UGT2B11: variants seen among roughly 807,000 people sequenced by gnomAD.
The protein encoded by UGT2B11 is UDP glucuronosyltransferase family 2 member B11, also known as UDP-glucuronosyltransferase 2B11.
UGT2B11 carries 49 observed loss-of-function variants against 51.7 expected under a neutral mutation model. That is an observed-to-expected ratio of 0.95 (90% confidence interval 0.75 to 1.20). The LOEUF (loss-of-function observed/expected upper bound fraction) is 1.20, where lower values mean the gene tolerates loss of function less well. Ranked by LOEUF, UGT2B11 falls within the 50% of genes most tolerant of loss-of-function variation. The pLI, the probability that UGT2B11 is intolerant of heterozygous loss-of-function variation, is 0.00. For missense variants in UGT2B11, 810 were observed against 622.1 expected (o/e 1.30, Z -3.21); for synonymous variants, 273 against 209.0 (o/e 1.31, Z -2.64).
the UGT2B11 span, among the ~76,000 whole-genome samples, chr4:69,223,785 A>T: frequency 2.6e-5 from 4 of 152,080 alleles, no homozygotes; most frequent in African/African-American, 4.8e-5. Context: ...CCCCTCTCTT[A>T]CGGTGGTCCA....
intron 2 of UGT2B11, among the ~76,000 whole-genome samples, chr4:69,212,042 A>G (rs2109952878): frequency 6.6e-6 from 1 of 151,512 alleles, no homozygotes; most frequent in South Asian, 2.1e-4. Context: ...CTATTCCTGC[A>G]TATTTTTTAG....
intron 5 of UGT2B11, among the ~76,000 whole-genome samples, chr4:69,201,837 A>ATG (rs1216688846): frequency 6.6e-6 from 1 of 151,892 alleles, no homozygotes; most frequent in Non-Finnish European, 1.5e-5. Context: ...AAAGATAAAT[A>ATG]TACATACACT....
the UGT2B11 span, among the ~76,000 whole-genome samples, chr4:69,223,966 AG>A: frequency 5.6e-4 from 86 of 152,286 alleles, no homozygotes; most frequent in African/African-American, 2.0e-3. Context: ...AAATGCCCTA[AG>A]GCTTCTACTA....
upstream of UGT2B11, among the ~76,000 whole-genome samples, chr4:69,218,713 G>C (rs947646786): frequency 6.6e-6 from 1 of 152,014 alleles, no homozygotes; most frequent in Non-Finnish European, 1.5e-5. Flanking sequence ...AGTGAGAAAA[G>C]ATAGTTCATT....
At chr4:69,216,718 T>C (rs1722284291), upstream of UGT2B11, 1 of 151,902 alleles carries the variant, frequency 6.6e-6, no homozygotes, top group Non-Finnish European at 1.5e-5. Flanking sequence ...GATTTAAGTA[T>C]TGACAATAGA....
the UGT2B11 span, among the ~76,000 whole-genome samples, chr4:69,224,126 C>G: frequency 6.6e-6 from 1 of 152,138 alleles, no homozygotes; most frequent in Admixed American, 6.5e-5. Context: ...CTTCCGGGCA[C>G]CATCCCAAGA....
rs773798670 is a variant in UGT2B11, at chr4:69,205,574, C to A, written c.1003-7G>T. The A allele has an allele frequency of 5.0e-6, 8 of 1,608,474 alleles. No homozygotes were observed. Among genetic ancestry groups the A allele is most frequent in the Non-Finnish European group, 6.8e-6 (8 of 1,177,116 alleles). Reference sequence around the variant, plus strand: ...CGTCAAATCTCCACAGAACCTGTTACAGTAAAGAGAATATCTTATTCCATG... The same window carrying A: ...CGTCAAATCTCCACAGAACCTGTTAAAGTAAAGAGAATATCTTATTCCATG... On this transcript the variant is annotated splice_region_variant and splice_polypyrimidine_tract_variant and intron_variant, in intron 3 of 5. Coordinates refer to ENST00000446444, the MANE Select transcript of UGT2B11 (RefSeq NM_001073.3).
chr4:69,208,350 C>G lies in UGT2B11; in HGVS notation c.1002+1G>C, dbSNP rs1175574083. 2 of 1,610,620 alleles carry G rather than the reference C, an allele frequency of 1.2e-6. No individual in the cohort carries two copies. The highest frequency in any genetic ancestry group is 1.7e-6 in the Non-Finnish European group (2 of 1,177,856). ...CACACCAGTAAGGCCCTTTATCTTA[C>G]CTTTTGTGGGATCTTGGCAAGGGCT... On this transcript the variant is annotated splice_donor_variant, in intron 3 of 5. Transcript: ENST00000446444. LOFTEE classifies it high-confidence loss of function.
At chr4:69,200,824 G>A (rs1019558169) in intron 5 of UGT2B11, 105 bp from the exon 6 acceptor site, 2 of 1,271,404 alleles carry the variant, frequency 1.6e-6, no homozygotes, top group African/African-American at 3.1e-5. Flanking sequence ...CAAAATAAAT[G>A]TCAAAGAATT....
intron 1 of UGT2B11, 103 bp downstream of exon 1, chr4:69,213,899 T>C: frequency 7.1e-7 from 1 of 1,416,254 alleles, no homozygotes; most frequent in Non-Finnish European, 9.3e-7. Flanking sequence ...ATAAATTCAC[T>C]TACCAAAAAC....
intron 1 of UGT2B11, among the ~76,000 whole-genome samples, chr4:69,213,749 C>T (rs1227164181): frequency 6.6e-6 from 1 of 151,770 alleles, no homozygotes; most frequent in African/African-American, 2.4e-5. Flanking sequence ...TGCTTAAATT[C>T]TTAGGTGTAC....
upstream of UGT2B11, chr4:69,214,841 G>T: frequency 1.4e-6 from 2 of 1,466,516 alleles, no homozygotes; most frequent in Middle Eastern, 3.8e-4. Flanking sequence ...TATTATAGGA[G>T]CATCCTGAGT....
upstream of UGT2B11, chr4:69,215,065 G>A (rs1722225038): frequency 1.5e-5 from 3 of 203,700 alleles, no homozygotes; most frequent in East Asian, 2.4e-4. Context: ...GAGATGAAAT[G>A]ATTGTACAAT....
the UGT2B11 span, among the ~76,000 whole-genome samples, chr4:69,221,656 A>T: frequency 5.9e-5 from 9 of 152,244 alleles, no homozygotes; most frequent in African/African-American, 2.2e-4. Flanking sequence ...TGAGGAGACG[A>T]GAGAAATACC....
intron 2 of UGT2B11, among the ~76,000 whole-genome samples, chr4:69,210,424 T>C (rs1722017384): frequency 6.6e-6 from 1 of 151,618 alleles, no homozygotes; most frequent in African/African-American, 2.4e-5. Context: ...GAGAATGTAA[T>C]ATATAATTGA....
chr4:69,219,589 A>G (rs1413014511), upstream of UGT2B11, among the ~76,000 whole-genome samples: 1 of 152,164 alleles, frequency 6.6e-6, no homozygotes. Flanking sequence ...ACAGTTACAC[A>G]TGGCTTGGGA....
In UGT2B11 at chr4:69,200,555, T is replaced by A; in HGVS notation, c.1475A>T (p.Asp492Val). 1 of 1,612,306 alleles carries A rather than the reference T, an allele frequency of 6.2e-7. No homozygotes were observed. The highest frequency in any genetic ancestry group is 8.5e-7 in the Non-Finnish European group (1 of 1,178,982). The change falls in exon 6 of 6, where the codon GAT becomes GTT. Residue 492 changes from aspartate to valine, a missense_variant. Physicochemically the swap from Asp to Val is radical, Grantham distance 152. Coordinates refer to ENST00000446444, the MANE Select transcript of UGT2B11 (RefSeq NM_001073.3). ...ACAGGCCAGCAGAAACCCAATCACATCCAAAGAGTGGTACTGGAACCAGGT... is the reference window on the plus strand; with the variant it reads ...ACAGGCCAGCAGAAACCCAATCACAACCAAAGAGTGGTACTGGAACCAGGT... ...DLTWFQYHSLDVIGFLLACVA... is the reference protein window; with the variant it reads ...DLTWFQYHSLVVIGFLLACVA...
chr4:69,219,942 T>G, the UGT2B11 span, among the ~76,000 whole-genome samples: 1 of 152,128 alleles, frequency 6.6e-6, no homozygotes, highest in Non-Finnish European at 1.5e-5. Flanking sequence ...TTAACTAATT[T>G]CAGCATTAAC....
intron 2 of UGT2B11, among the ~76,000 whole-genome samples, chr4:69,210,313 T>C (rs971474923): frequency 5.9e-5 from 9 of 151,638 alleles, no homozygotes; most frequent in African/African-American, 2.2e-4. Context: ...TTTTTTATGA[T>C]TTCACGTGAA....
Sources: allele counts gnomAD v4.1 joint callset (sites outside exome capture counted in the v4.1 genomes callset), GRCh38; gene constraint gnomAD v4.1.1; transcripts MANE v1.5; gene names NCBI Gene and HGNC (gene_info 2026-07-23, HGNC 2026-07-21).